The following CSMD1 variants were observed in gnomAD, a reference collection of about 807,000 sequenced individuals.
CSMD1 encodes the protein CUB and sushi domain-containing protein 1.
CSMD1 carries 213 observed loss-of-function variants against 417.5 expected under a neutral mutation model. The observed-to-expected ratio is 0.51, with a 90% CI of 0.46 to 0.57. CSMD1 has a LOEUF of 0.57. Ranked by LOEUF, CSMD1 falls within the 20% of genes least tolerant of loss-of-function variation. The pLI is 0.00. For missense variants in CSMD1, 6,923 were observed against 4,529.7 expected (o/e 1.53, Z -15.17); for synonymous variants, 2,862 against 1,736.8 (o/e 1.65, Z -16.11).
chr8:3,735,209 G>T (rs1796470376), intron 6 of CSMD1, among the ~76,000 whole-genome samples: 1 of 152,124 alleles, frequency 6.6e-6, no homozygotes, highest in Non-Finnish European at 1.5e-5. Flanking sequence ...AGTTGCCCCT[G>T]GCTCCTTAAT....
intron 49 of CSMD1, among the ~76,000 whole-genome samples, chr8:3,083,791 C>CT (rs1263663406): frequency 1.3e-5 from 2 of 149,824 alleles, no homozygotes; most frequent in African/African-American, 4.9e-5. Flanking sequence ...TCCCAAGCAG[C>CT]TGGGACTACA....
At chr8:4,098,040 T>C (rs1441851174) in intron 3 of CSMD1, among the ~76,000 whole-genome samples, 1 of 152,180 alleles carries the variant, frequency 6.6e-6, no homozygotes, top group East Asian at 1.9e-4. Flanking sequence ...TAATTTTTGT[T>C]CAGGCACAGA....
intron 2 of CSMD1, among the ~76,000 whole-genome samples, chr8:4,457,886 C>G (rs1158239859): frequency 2.0e-5 from 3 of 152,110 alleles, no homozygotes; most frequent in Non-Finnish European, 4.4e-5. Context: ...TGATGCAGCA[C>G]CGTAGTGAAC....
intron 3 of CSMD1, among the ~76,000 whole-genome samples, chr8:4,318,300 C>A (rs1799056472): frequency 6.6e-6 from 1 of 152,068 alleles, no homozygotes; most frequent in Non-Finnish European, 1.5e-5. Flanking sequence ...CTAATCTTTG[C>A]AGACAAAATC....
chr8:3,260,471 C>T (rs895668150), intron 26 of CSMD1, among the ~76,000 whole-genome samples: 1 of 152,042 alleles, frequency 6.6e-6, no homozygotes, highest in Non-Finnish European at 1.5e-5. Flanking sequence ...AGAGGAAAGA[C>T]AGTGGCATGG....
intron 2 of CSMD1, among the ~76,000 whole-genome samples, chr8:4,480,764 G>A (rs771461076): frequency 3.3e-5 from 5 of 152,144 alleles, no homozygotes; most frequent in African/African-American, 4.8e-5. Flanking sequence ...TGCATTATAT[G>A]TTGAAGACGA....
At chr8:4,461,850 C>T (rs921682818) in intron 2 of CSMD1, among the ~76,000 whole-genome samples, 5 of 150,682 alleles carry the variant, frequency 3.3e-5, no homozygotes, top group African/African-American at 1.2e-4. Context: ...CCGCCATTCT[C>T]CTGCCTCAGC....
chr8:3,596,324 G>T (rs145150693), intron 8 of CSMD1, among the ~76,000 whole-genome samples: 1 of 152,296 alleles, frequency 6.6e-6, no homozygotes, highest in African/African-American at 2.4e-5. Flanking sequence ...AGCAGCTGGA[G>T]CTAACCAGGT....
intron 3 of CSMD1, among the ~76,000 whole-genome samples, chr8:4,274,332 C>T (rs542765157): frequency 6.6e-6 from 1 of 152,134 alleles, no homozygotes; most frequent in Admixed American, 6.6e-5. Context: ...AGGAAAAACA[C>T]ATGACTTTTT....
intron 6 of CSMD1, among the ~76,000 whole-genome samples, chr8:3,716,993 G>C (rs1331861798): frequency 3.3e-5 from 5 of 151,996 alleles, no homozygotes; most frequent in African/African-American, 4.8e-5. Context: ...AAAAAATTGA[G>C]GTACAAAGAA....
At chr8:3,838,021 C>T (rs552837757) in intron 5 of CSMD1, among the ~76,000 whole-genome samples, 33 of 152,150 alleles carry the variant, frequency 2.2e-4, no homozygotes, top group African/African-American at 8.0e-4. Flanking sequence ...AACTAATTAT[C>T]ATAAATAAAT....
chr8:4,920,916 GAAAAGAAAAGAAAGAGAGAAAGAAAGAA>G, intron 1 of CSMD1, among the ~76,000 whole-genome samples: 1 of 30,588 alleles, frequency 3.3e-5, no homozygotes, highest in Non-Finnish European at 8.2e-5. Context: ...GAAAAGAAAA[GAAAAGAAAAGAAAGAGAGAAAGAAAGAA>G]AGAAAGAAAG....
intron 2 of CSMD1, among the ~76,000 whole-genome samples, chr8:4,481,452 T>C (rs1185926612): frequency 6.6e-6 from 1 of 152,196 alleles, no homozygotes; most frequent in Admixed American, 6.5e-5. Flanking sequence ...TAGTGGGAGA[T>C]AAAATAATGA....
intron 1 of CSMD1, among the ~76,000 whole-genome samples, chr8:4,975,566 G>A (rs896428235): frequency 6.6e-6 from 1 of 152,140 alleles, no homozygotes; most frequent in Non-Finnish European, 1.5e-5. Context: ...TCCCAAAACT[G>A]GAATACAGTG....
intron 7 of CSMD1, among the ~76,000 whole-genome samples, chr8:3,638,707 G>T (rs1014540648): frequency 1.3e-5 from 2 of 152,130 alleles, no homozygotes; most frequent in South Asian, 2.1e-4. Flanking sequence ...TGGGCAAAAG[G>T]CTTGTGGTCA....
At chr8:4,371,583 C>G (rs546971607) in intron 3 of CSMD1, among the ~76,000 whole-genome samples, 3 of 152,196 alleles carry the variant, frequency 2.0e-5, no homozygotes, top group Non-Finnish European at 4.4e-5. Flanking sequence ...TTCATGGATT[C>G]AAAATGCTGA....
At chr8:3,063,266 G>T (rs1319218682) in intron 49 of CSMD1, among the ~76,000 whole-genome samples, 3 of 152,136 alleles carry the variant, frequency 2.0e-5, no homozygotes, top group African/African-American at 7.2e-5. Context: ...CTCTGATAAT[G>T]AACAAGTGAC....
At chr8:4,585,382 G>C (rs1799648071) in intron 2 of CSMD1, among the ~76,000 whole-genome samples, 1 of 152,080 alleles carries the variant, frequency 6.6e-6, no homozygotes, top group Non-Finnish European at 1.5e-5. Context: ...CACAATTTTT[G>C]AAAGAGGGAT....
chr8:3,280,006 A>C (rs1802606340), intron 26 of CSMD1, among the ~76,000 whole-genome samples: 1 of 152,166 alleles, frequency 6.6e-6, no homozygotes, highest in Non-Finnish European at 1.5e-5. Context: ...GAGATCCGGA[A>C]AGAGATGGTC....
Sources: gnomAD v4.1 joint callset for allele counts (sites outside exome capture counted in the v4.1 genomes callset) on GRCh38, gnomAD v4.1.1 for gene constraint, MANE v1.5 for transcripts, NCBI Gene and HGNC (gene_info 2026-07-23, HGNC 2026-07-21) for gene names.